The following ANKRD20A1 variants were observed in gnomAD, a reference collection of about 807,000 sequenced individuals.
ANKRD20A1 encodes ankyrin repeat domain-containing protein 20A1.
In ANKRD20A1, 2 loss-of-function variants were observed where a neutral mutation model predicts 50.9. That is an observed-to-expected ratio of 0.04 (90% CI 0.02 to 0.12). ANKRD20A1 has a LOEUF of 0.12. Among genes scored for constraint, ANKRD20A1 ranks in the 10% least tolerant of loss-of-function variants. The pLI is 1.00. For missense variants in ANKRD20A1, 31 were observed against 548.1 expected, an observed-to-expected ratio of 0.06 and a Z score of 9.42; for synonymous variants, 10 against 186.2, an observed-to-expected ratio of 0.05 and a Z score of 7.70.
At chr9:67,882,214 TG>T (rs1827810683) in intron 8 of ANKRD20A1, among the ~76,000 whole-genome samples, 2 of 150,984 alleles carry the variant, frequency 1.3e-5, no homozygotes, top group African/African-American at 4.8e-5. Context: ...CTTTAACTGT[TG>T]GGCTCAAGTG....
chr9:67,881,649 A>G (rs1238890741), intron 8 of ANKRD20A1, among the ~76,000 whole-genome samples: 3 of 152,276 alleles, frequency 2.0e-5, no homozygotes, highest in African/African-American at 7.2e-5. Context: ...AGAAAAATTA[A>G]CCAGGCGTGA....
chr9:67,865,979 C>A (rs1346451823), intron 3 of ANKRD20A1, among the ~76,000 whole-genome samples: 6 of 150,482 alleles, frequency 4.0e-5, no homozygotes, highest in East Asian at 2.0e-4. Context: ...ACAAATAATT[C>A]TCTGCCCATA....
At chr9:67,889,177 G>T (rs1268818314) in intron 11 of ANKRD20A1, among the ~76,000 whole-genome samples, 21 of 108,410 alleles carry the variant, frequency 1.9e-4, no homozygotes, top group African/African-American at 6.0e-4. Flanking sequence ...ATGTTGGCCA[G>T]GCTGCTCTCA....
At chr9:67,884,989 A>G (rs1274199838) in intron 9 of ANKRD20A1, among the ~76,000 whole-genome samples, 1 of 55,926 alleles carries the variant, frequency 1.8e-5, no homozygotes, top group East Asian at 2.1e-3. Context: ...TATTAACTGT[A>G]TAATAAGTAA....
intron 8 of ANKRD20A1, among the ~76,000 whole-genome samples, chr9:67,882,910 G>C (rs1443354039): frequency 1.3e-5 from 2 of 151,054 alleles, no homozygotes; most frequent in Admixed American, 1.3e-4. Flanking sequence ...CCTTGCGATA[G>C]TTTGCTCAGA....
intron 6 of ANKRD20A1, among the ~76,000 whole-genome samples, chr9:67,871,535 T>A (rs879674794): frequency 7.2e-6 from 1 of 138,572 alleles, no homozygotes; most frequent in Non-Finnish European, 1.6e-5. Flanking sequence ...GAAAAAAGAT[T>A]TTTAAGTTAG....
In ANKRD20A1 at chr9:67,882,518, T is replaced by C. The variant is rs368203546; in HGVS notation, c.895-1968T>C. ...TCATCAGTAGCAAATAGGGTTACAA[T>C]ATATTTTCTAGTATCATTCAACTGG... On this transcript the variant is annotated intron_variant, in intron 8 of 14. Coordinates refer to ENST00000562196, the MANE Select transcript of ANKRD20A1 (RefSeq NM_032250.5). Among the ~76,000 whole-genome samples the C allele has an allele frequency of 1.1e-3, 159 of 149,854 alleles. No homozygotes were observed. The East Asian group carries it at 0.016, about 15-fold the overall frequency.
intron 13 of ANKRD20A1, among the ~76,000 whole-genome samples, chr9:67,898,680 TCTCA>T (rs1828037389): frequency 1.1e-5 from 1 of 88,986 alleles, no homozygotes; most frequent in African/African-American, 3.4e-5. Context: ...GAAGGTGTCA[TCTCA>T]CTCTGTAAAT....
chr9:67,859,946 C>T lies in ANKRD20A1; in HGVS notation c.203+317C>T, dbSNP rs1827488040. Among the ~76,000 whole-genome samples, 2 of 47,320 alleles carry T rather than the reference C, an allele frequency of 4.2e-5. 1 individual carries two copies. Among genetic ancestry groups the T allele is most frequent in the Non-Finnish European group, 8.4e-5 (2 of 23,766 alleles). The allele number at this position is 47,320 out of a possible 152,430, so 31.0% of individuals were successfully genotyped here. On this transcript the variant is annotated intron_variant, in intron 1 of 14. Coordinates refer to ENST00000562196, the MANE Select transcript of ANKRD20A1 (RefSeq NM_032250.5). ...AATAACCGTGAGTTGTTTCAGTGGG[C>T]GAAAAGTTCTCAGATAAGAGAGCTT... is the stretch of plus-strand genomic sequence containing the variant.
At position 67,882,128 on chromosome 9, in the gene ANKRD20A1, T is replaced by C. The variant is rs1181228905; in HGVS notation, c.894+1583T>C. ...CCAAGTAGTTTAAACAATAGAGCTATGTCACCATAGACCTGTGTCACCATG... is the reference window on the plus strand; with the variant it reads ...CCAAGTAGTTTAAACAATAGAGCTACGTCACCATAGACCTGTGTCACCATG... On this transcript the variant is annotated intron_variant, in intron 8 of 14. Transcript: ENST00000562196. Among the ~76,000 whole-genome samples the C allele has an allele frequency of 2.4e-3, 351 of 145,610 alleles. 1 individual carries two copies. Among genetic ancestry groups the C allele is most frequent in the African/African-American group, 8.4e-3 (338 of 40,284 alleles).
In ANKRD20A1 at chr9:67,864,816, T is replaced by G. The variant is rs1360898784; in HGVS notation, c.492+1425T>G. On this transcript the variant is annotated intron_variant, in intron 3 of 14. Transcript: ENST00000562196. ...GAGTTGGCATTTGATAGTTGCCACT[T>G]CCTTCAAAATTCTCCTTTTCAATTA... Among the ~76,000 whole-genome samples, 21 of 49,800 alleles carry G rather than the reference T, an allele frequency of 4.2e-4. 9 individuals are homozygous for G. Among genetic ancestry groups the G allele is most frequent in the Non-Finnish European group, 6.9e-4 (17 of 24,468 alleles). 32.7% of individuals were successfully genotyped at this position (49,800 alleles called of 152,430 possible).
intron 4 of ANKRD20A1, among the ~76,000 whole-genome samples, chr9:67,867,643 G>A (rs148832960): frequency 6.6e-6 from 1 of 151,100 alleles, no homozygotes; most frequent in Non-Finnish European, 1.5e-5. Context: ...TTAGCTAAAG[G>A]GTTTTGTATT....
In ANKRD20A1 at chr9:67,891,103, C is replaced by CT. The variant is rs1827940986; in HGVS notation, c.1082-2332dup. Among the ~76,000 whole-genome samples the CT allele has an allele frequency of 2.3e-5, 2 of 87,492 alleles. 1 individual carries two copies. The highest frequency in any genetic ancestry group is 3.1e-4 in the Admixed American group (2 of 6,516). The allele number at this position is 87,492 out of a possible 152,430, so 57.4% of individuals were successfully genotyped here. ...CTGAGGTTGGGAGTTTGAGACCAGC[C>CT]TGACAAACATGGAGAAACACATCTC... is the stretch of plus-strand genomic sequence containing the variant. On this transcript the variant is annotated intron_variant, in intron 11 of 14. Transcript: ENST00000562196.
intron 6 of ANKRD20A1, among the ~76,000 whole-genome samples, chr9:67,872,540 A>C (rs1283948441): frequency 7.6e-6 from 1 of 131,090 alleles, no homozygotes; most frequent in Non-Finnish European, 1.7e-5. Flanking sequence ...TCATGTTTTC[A>C]GTTTTATGAG....
chr9:67,880,852 G>T (rs1587601220), intron 8 of ANKRD20A1, among the ~76,000 whole-genome samples: 1 of 72,436 alleles, frequency 1.4e-5, no homozygotes, highest in Non-Finnish European at 3.0e-5. Context: ...TTTGCTTAAG[G>T]TTTATTTGGA....
At chr9:67,864,664 A>C (rs1827530337) in intron 3 of ANKRD20A1, among the ~76,000 whole-genome samples, 1 of 46,374 alleles carries the variant, frequency 2.2e-5, no homozygotes, top group South Asian at 6.7e-4. Flanking sequence ...TAGCCAAAAA[A>C]AAAAAAAAAA....
intron 8 of ANKRD20A1, among the ~76,000 whole-genome samples, chr9:67,881,079 C>T (rs542180433): frequency 6.7e-6 from 1 of 150,216 alleles, no homozygotes; most frequent in African/African-American, 2.4e-5. Context: ...TGTTTTTCTA[C>T]TTATATTATT....
At chr9:67,871,525 G>A in intron 6 of ANKRD20A1, among the ~76,000 whole-genome samples, 2 of 137,610 alleles carry the variant, frequency 1.5e-5, no homozygotes, top group South Asian at 4.8e-4. Context: ...GCATAAATAA[G>A]AAAAAAGATT....
At chr9:67,889,310 G>C (rs1296564348) in intron 11 of ANKRD20A1, among the ~76,000 whole-genome samples, 1 of 85,460 alleles carries the variant, frequency 1.2e-5, no homozygotes, top group Non-Finnish European at 2.5e-5. Flanking sequence ...CAATTCTTTG[G>C]TCTATGTGAA....
Sources: allele counts gnomAD v4.1 joint callset (sites outside exome capture counted in the v4.1 genomes callset), GRCh38; gene constraint gnomAD v4.1.1; transcripts MANE v1.5; gene names NCBI Gene and HGNC (gene_info 2026-07-23, HGNC 2026-07-21).